Variants in SNTB1 observed in about 807,000 individuals in gnomAD.
SNTB1 encodes the protein beta-1-syntrophin.
In SNTB1, 36 loss-of-function variants were observed where a neutral mutation model predicts 48.9. The ratio of observed to expected loss-of-function variants is 0.74; its 90% CI spans 0.56 to 0.97. The LOEUF is 0.97. Ranked by LOEUF, SNTB1 falls within the 50% of genes least tolerant of loss-of-function variation. SNTB1 has a pLI of 0.00. For synonymous variants in SNTB1, 299 were observed against 294.6 expected, an observed-to-expected ratio of 1.01 and a Z score of -0.15; for missense variants, 786 against 703.4, an observed-to-expected ratio of 1.12 and a Z score of -1.33.
At chr8:120,644,054 T>G (rs768678780) in intron 2 of SNTB1, among the ~76,000 whole-genome samples, 11 of 152,124 alleles carry the variant, frequency 7.2e-5, no homozygotes, top group Non-Finnish European at 8.8e-5. Context: ...TCAGATGAAG[T>G]AAAGTCCTGT....
intron 2 of SNTB1, among the ~76,000 whole-genome samples, chr8:120,648,741 G>T (rs1587061730): frequency 1.3e-5 from 2 of 152,190 alleles, no homozygotes; most frequent in East Asian, 3.9e-4. Context: ...AAGTTCTCCT[G>T]GATAATATCT....
At chr8:120,732,750 G>T (rs1039728106) in intron 1 of SNTB1, among the ~76,000 whole-genome samples, 2 of 152,158 alleles carry the variant, frequency 1.3e-5, no homozygotes, top group African/African-American at 2.4e-5. Flanking sequence ...GGAAGCTGAG[G>T]CAGGAGAATC....
Position 120,618,039 on chromosome 8 carries a change from C to T in SNTB1, c.996+14405G>A, listed in dbSNP as rs181534693. On this transcript the variant is annotated intron_variant, in intron 3 of 6. Transcript: ENST00000517992. Reference sequence around the variant, plus strand: ...CCTAAGATTAATGGCTATTCTTAAACGAGGCCATGCATTTTGCGTCTTTAT... The same window carrying T: ...CCTAAGATTAATGGCTATTCTTAAATGAGGCCATGCATTTTGCGTCTTTAT... Among the ~76,000 whole-genome samples, 178 of 152,202 alleles carry T rather than the reference C, an allele frequency of 1.2e-3. 4 individuals are homozygous for T. The East Asian group carries it at 0.031, about 27-fold the overall frequency.
intron 2 of SNTB1, among the ~76,000 whole-genome samples, chr8:120,646,812 G>A (rs961000801): frequency 3.3e-5 from 5 of 152,112 alleles, no homozygotes; most frequent in African/African-American, 9.7e-5. Context: ...TTTTTGGTTG[G>A]TAAGCTATTG....
At chr8:120,689,740 AAAAC>A (rs745368874) in intron 2 of SNTB1, among the ~76,000 whole-genome samples, 3 of 152,170 alleles carry the variant, frequency 2.0e-5, no homozygotes, top group African/African-American at 4.8e-5. Context: ...AGAGCTTTAA[AAAAC>A]CCATGAAAAA....
intron 3 of SNTB1, among the ~76,000 whole-genome samples, chr8:120,605,493 T>C (rs750457096): frequency 1.3e-5 from 2 of 152,204 alleles, no homozygotes; most frequent in Non-Finnish European, 2.9e-5. Context: ...AGCCCAGCCA[T>C]GACACGTATC....
intron 1 of SNTB1, among the ~76,000 whole-genome samples, chr8:120,726,391 T>C (rs184284548): frequency 2.0e-5 from 3 of 152,290 alleles, no homozygotes; most frequent in Admixed American, 6.5e-5. Flanking sequence ...CGCCTATTTC[T>C]GTAGCAATGC....
rs1176180797 is a variant in SNTB1, at chr8:120,759,378, G to T, written c.571+51895C>A. Among the ~76,000 whole-genome samples the T allele has an allele frequency of 2.6e-5, 4 of 152,066 alleles. No individual in the cohort carries two copies. In the East Asian group the frequency reaches 7.7e-4, roughly 29 times the overall value. On this transcript the variant is annotated intron_variant, in intron 1 of 6. Coordinates refer to ENST00000517992, the MANE Select transcript of SNTB1 (RefSeq NM_021021.4). ...ATAAATGTTTAGGAAACTCTCACTG[G>T]TCTCTACTTTCTGAAATTAGGTTGA...
intron 3 of SNTB1, among the ~76,000 whole-genome samples, chr8:120,594,085 A>G (rs1041942684): frequency 6.9e-6 from 1 of 145,942 alleles, no homozygotes; most frequent in Non-Finnish European, 1.5e-5. Context: ...TTATTTTGAG[A>G]CAGGGTCTTG....
At chr8:120,811,129 C>CT in intron 1 of SNTB1, 144 bp downstream of exon 1, 1 of 1,183,954 alleles carries the variant, frequency 8.4e-7, no homozygotes, top group Non-Finnish European at 1.1e-6. Context: ...CTGCGCCACC[C>CT]TTCCCCCCCC....
At chr8:120,811,193 G>T in intron 1 of SNTB1, 80 bp downstream of exon 1, 2 of 1,509,880 alleles carry the variant, frequency 1.3e-6, no homozygotes, top group Non-Finnish European at 1.8e-6. Context: ...GGCCGAGTGA[G>T]TGTGAGTGTG....
intron 3 of SNTB1, among the ~76,000 whole-genome samples, chr8:120,590,370 A>T (rs942346965): frequency 6.6e-6 from 1 of 152,216 alleles, no homozygotes; most frequent in Non-Finnish European, 1.5e-5. Flanking sequence ...ATTTCCTGCC[A>T]GTACCTAGTA....
intron 1 of SNTB1, among the ~76,000 whole-genome samples, chr8:120,735,694 C>T (rs959791114): frequency 6.6e-6 from 1 of 152,180 alleles, no homozygotes; most frequent in Non-Finnish European, 1.5e-5. Flanking sequence ...GACTTCTAGC[C>T]TCCAGAACCA....
intron 4 of SNTB1, chr8:120,571,067 G>A (rs1386971770): frequency 1.7e-6 from 1 of 572,014 alleles, no homozygotes; most frequent in African/African-American, 2.0e-5. Flanking sequence ...GCACATAGTA[G>A]ATGATTTATA....
chr8:120,688,636 G>A (rs1818073762), intron 2 of SNTB1, among the ~76,000 whole-genome samples: 1 of 152,144 alleles, frequency 6.6e-6, no homozygotes, highest in Non-Finnish European at 1.5e-5. Flanking sequence ...TATCTGAGAA[G>A]ACTGTTTACC....
At chr8:120,755,158 G>GTC (rs1013670460) in intron 1 of SNTB1, among the ~76,000 whole-genome samples, 12 of 134,740 alleles carry the variant, frequency 8.9e-5, no homozygotes, top group Non-Finnish European at 1.4e-4. Flanking sequence ...GTGTGTGTGT[G>GTC]TGTGTGTGTG....
chr8:120,697,529 G>A (rs1383511835), intron 1 of SNTB1, among the ~76,000 whole-genome samples: 2 of 152,132 alleles, frequency 1.3e-5, no homozygotes, highest in Non-Finnish European at 2.9e-5. Context: ...CTCAAAACTG[G>A]ATTAAGGAAA....
chr8:120,669,053 A>G (rs1055613522), intron 2 of SNTB1, among the ~76,000 whole-genome samples: 1 of 152,222 alleles, frequency 6.6e-6, no homozygotes, highest in Non-Finnish European at 1.5e-5. Flanking sequence ...ACTGCATACA[A>G]CCATCAACCA....
At chr8:120,630,607 G>A (rs1337619942) in intron 3 of SNTB1, among the ~76,000 whole-genome samples, 4 of 152,190 alleles carry the variant, frequency 2.6e-5, no homozygotes, top group Non-Finnish European at 4.4e-5. Flanking sequence ...CCAAGTGAGA[G>A]CATTTTTCAT....
Sources: gnomAD v4.1 joint callset for allele counts (sites outside exome capture counted in the v4.1 genomes callset) on GRCh38, gnomAD v4.1.1 for gene constraint, MANE v1.5 for transcripts, NCBI Gene and HGNC (gene_info 2026-07-23, HGNC 2026-07-21) for gene names.